ROBO2: variants seen among roughly 807,000 people sequenced by gnomAD.
The protein encoded by ROBO2 is roundabout guidance receptor 2.
ROBO2 carries 53 observed loss-of-function variants against 160.8 expected under a neutral mutation model. That is an observed-to-expected ratio of 0.33 (90% CI 0.26 to 0.41). The LOEUF (loss-of-function observed/expected upper bound fraction) is 0.41, where lower values mean the gene tolerates loss of function less well. Ranked by LOEUF, ROBO2 falls within the 10% of genes least tolerant of loss-of-function variation. ROBO2 has a pLI of 1.00. For synonymous variants in ROBO2, 664 were observed against 611.7 expected, an observed-to-expected ratio of 1.09 and a Z score of -1.26; for missense variants, 1,577 against 1,722.4, an observed-to-expected ratio of 0.92 and a Z score of 1.49.
At position 76,689,343 on chromosome 3, in the gene ROBO2, C is replaced by T. The variant is rs115766868; in HGVS notation, c.110-408671C>T. Among the ~76,000 whole-genome samples, 307 of 152,138 alleles carry T rather than the reference C, an allele frequency of 2.0e-3. 1 individual carries two copies. Among genetic ancestry groups the T allele is most frequent in the Non-Finnish European group, 3.3e-3 (225 of 67,974 alleles). Reference sequence around the variant, plus strand: ...CTTAATATTTATCAGAGAAATCACACAGTTAAACAGACAATTACAATACAA... The same window carrying T: ...CTTAATATTTATCAGAGAAATCACATAGTTAAACAGACAATTACAATACAA... On this transcript the variant is annotated intron_variant, in intron 2 of 26. Coordinates refer to the ROBO2 transcript ENST00000487694.
intron 2 of ROBO2, among the ~76,000 whole-genome samples, chr3:77,240,105 T>C (rs1452521510): frequency 6.6e-6 from 1 of 152,120 alleles, no homozygotes; most frequent in Non-Finnish European, 1.5e-5. Flanking sequence ...TCCTCAACCC[T>C]TGGGAGGTCG....
intron 2 of ROBO2, among the ~76,000 whole-genome samples, chr3:76,916,551 G>A (rs534494829): frequency 7.4e-6 from 1 of 135,006 alleles, no homozygotes; most frequent in African/African-American, 2.5e-5. Context: ...GTCTCATTTT[G>A]TTACGGAAAT....
intron 2 of ROBO2, among the ~76,000 whole-genome samples, chr3:76,389,081 G>A (rs1350865607): frequency 6.6e-6 from 1 of 152,164 alleles, no homozygotes. Context: ...TTTGAAAAAT[G>A]GAAGGACTTT....
chr3:76,005,807 G>A (rs575719577), intron 2 of ROBO2, among the ~76,000 whole-genome samples: 2 of 152,206 alleles, frequency 1.3e-5, no homozygotes, highest in East Asian at 3.9e-4. Context: ...TTAAAATTTG[G>A]CAGCTTTTGA....
At chr3:77,649,883 C>T (rs1007819410) in exon 26 of ROBO2, 1 of 151,906 alleles carries the variant, frequency 6.6e-6, no homozygotes, top group Non-Finnish European at 1.5e-5. Context: ...AAGAAATTGG[C>T]ATAAAATCGG....
At chr3:75,999,134 A>G (rs1559818390) in intron 2 of ROBO2, among the ~76,000 whole-genome samples, 1 of 152,156 alleles carries the variant, frequency 6.6e-6, no homozygotes, top group East Asian at 1.9e-4. Flanking sequence ...TCTGAGCCTC[A>G]TTTTCCTCAT....
intron 2 of ROBO2, among the ~76,000 whole-genome samples, chr3:77,186,068 T>C (rs2081258525): frequency 6.6e-6 from 1 of 152,016 alleles, no homozygotes; most frequent in Admixed American, 6.6e-5. Context: ...AGACTACAAA[T>C]TGGGTGCAGT....
intron 2 of ROBO2, among the ~76,000 whole-genome samples, chr3:76,252,606 T>G (rs1407268385): frequency 6.6e-6 from 1 of 151,874 alleles, no homozygotes; most frequent in East Asian, 1.9e-4. Context: ...AAGATGATGT[T>G]TTATGTGAAA....
chr3:77,044,761 C>T (rs945094701), intron 1 of ROBO2, among the ~76,000 whole-genome samples: 7 of 152,240 alleles, frequency 4.6e-5, no homozygotes, highest in African/African-American at 9.6e-5. Context: ...ATGTTTTGCA[C>T]GGATCCTATC....
chr3:76,800,677 A>G (rs973857226), intron 2 of ROBO2, among the ~76,000 whole-genome samples: 3 of 152,222 alleles, frequency 2.0e-5, no homozygotes, highest in East Asian at 3.8e-4. Context: ...GTGAGCTACC[A>G]TCTCACCCCA....
At chr3:77,217,962 A>T (rs2085203789) in intron 2 of ROBO2, among the ~76,000 whole-genome samples, 1 of 152,228 alleles carries the variant, frequency 6.6e-6, no homozygotes. Context: ...GAAATTATTT[A>T]TATGTTTCCC....
At chr3:77,370,567 A>T (rs2153476336) in intron 2 of ROBO2, among the ~76,000 whole-genome samples, 1 of 152,264 alleles carries the variant, frequency 6.6e-6, no homozygotes, top group East Asian at 1.9e-4. Context: ...TCCAATTTAG[A>T]TCCTGTGGAA....
Position 77,343,160 on chromosome 3 carries a change from C to T in ROBO2, c.389-134254C>T, listed in dbSNP as rs182444417. On this transcript the variant is annotated intron_variant, in intron 2 of 25. Coordinates refer to ENST00000461745, the Ensembl canonical transcript of ROBO2. ...TGACCTCATTTAGCCTTAATTATTG[C>T]CTAAAGATCCTATACAGTCACATTG... 1.4e-4 allele frequency among the ~76,000 whole-genome samples: 21 copies of T among 151,926 alleles called. 1 individual carries two copies. The highest frequency in any genetic ancestry group is 6.6e-4 in the Admixed American group (10 of 15,250).
intron 2 of ROBO2, among the ~76,000 whole-genome samples, chr3:76,350,566 C>A (rs1386672581): frequency 6.6e-6 from 1 of 151,846 alleles, no homozygotes; most frequent in African/African-American, 2.4e-5. Context: ...CAATAATGTT[C>A]AATATAAATA....
chr3:76,446,893 A>G (rs2077210277), intron 2 of ROBO2, among the ~76,000 whole-genome samples: 1 of 152,226 alleles, frequency 6.6e-6, no homozygotes, highest in African/African-American at 2.4e-5. Flanking sequence ...AATTAATTCA[A>G]GGTGGATTAA....
chr3:76,734,641 C>A (rs1206260014), intron 2 of ROBO2, among the ~76,000 whole-genome samples: 1 of 152,150 alleles, frequency 6.6e-6, no homozygotes, highest in Non-Finnish European at 1.5e-5. Flanking sequence ...CCCAAACACA[C>A]CTTTCCAGCA....
chr3:77,127,128 G>A (rs1017189532), intron 2 of ROBO2, among the ~76,000 whole-genome samples: 1 of 152,056 alleles, frequency 6.6e-6, no homozygotes, highest in African/African-American at 2.4e-5. Flanking sequence ...AGGTAGAAAT[G>A]TTGACCTACA....
At chr3:77,121,639 G>C (rs34444406) in intron 2 of ROBO2, among the ~76,000 whole-genome samples, 1 of 151,934 alleles carries the variant, frequency 6.6e-6, no homozygotes, top group Non-Finnish European at 1.5e-5. Context: ...ACTTAAGCCA[G>C]ATTTGTTTTG....
At chr3:77,461,855 A>G (rs2082278770) in intron 2 of ROBO2, among the ~76,000 whole-genome samples, 1 of 151,638 alleles carries the variant, frequency 6.6e-6, no homozygotes, top group African/African-American at 2.4e-5. Flanking sequence ...AGCCTCCCAT[A>G]TCTGGGATTA....
Sources: gnomAD v4.1 joint callset for allele counts (sites outside exome capture counted in the v4.1 genomes callset) on GRCh38, gnomAD v4.1.1 for gene constraint, MANE v1.5 for transcripts, NCBI Gene and HGNC (gene_info 2026-07-23, HGNC 2026-07-21) for gene names.